MCTP1: variants seen among roughly 807,000 people sequenced by gnomAD.
MCTP1 encodes multiple C2 and transmembrane domain-containing protein 1.
Under a neutral mutation model 120.6 loss-of-function variants are expected in MCTP1, and 69 were observed. That is an observed-to-expected ratio of 0.57 (90% CI 0.47 to 0.70). The LOEUF (loss-of-function observed/expected upper bound fraction) is 0.70, where lower values mean the gene tolerates loss of function less well. Ranked by LOEUF, MCTP1 falls within the 30% of genes least tolerant of loss-of-function variation. The probability of loss-of-function intolerance (pLI) is 0.00; values close to 1 mark genes in which losing one functional copy is unlikely to be tolerated. For synonymous variants in MCTP1, 529 were observed against 493.1 expected, an observed-to-expected ratio of 1.07 and a Z score of -0.96; for missense variants, 1,203 against 1,248.8, an observed-to-expected ratio of 0.96 and a Z score of 0.55.
At chr5:94,929,031 T>C (rs1019328106) in intron 6 of MCTP1, among the ~76,000 whole-genome samples, 15 of 152,130 alleles carry the variant, frequency 9.9e-5, no homozygotes, top group African/African-American at 3.1e-4. Flanking sequence ...AGAAATTTCA[T>C]CATAGAAAGT....
intron 1 of MCTP1, among the ~76,000 whole-genome samples, chr5:95,178,392 C>A (rs1246750280): frequency 4.6e-5 from 7 of 152,226 alleles, no homozygotes; most frequent in Admixed American, 3.3e-4. Context: ...CTCTGTCGCC[C>A]AGGCTAGAGT....
intron 1 of MCTP1, among the ~76,000 whole-genome samples, chr5:95,281,719 GATC>G (rs1760335749): frequency 6.6e-6 from 1 of 152,134 alleles, no homozygotes; most frequent in African/African-American, 2.4e-5. Context: ...CAGAGTTATA[GATC>G]ATGATAATCT....
At chr5:94,854,295 G>C (rs1459530142) in intron 17 of MCTP1, among the ~76,000 whole-genome samples, 1 of 151,756 alleles carries the variant, frequency 6.6e-6, no homozygotes, top group East Asian at 1.9e-4. Context: ...TTTGAGGTAC[G>C]GGTCATGAAT....
intron 1 of MCTP1, among the ~76,000 whole-genome samples, chr5:95,213,595 A>G (rs370927842): frequency 2.9e-4 from 44 of 149,886 alleles, no homozygotes; most frequent in East Asian, 5.8e-4. Flanking sequence ...GAGGCATCAC[A>G]CTACCTGACT....
At chr5:94,708,347 C>CA in intron 22 of MCTP1, 165 bp downstream of exon 22, 1 of 493,046 alleles carries the variant, frequency 2.0e-6, no homozygotes, top group East Asian at 3.2e-5. Context: ...TCTTGGATAA[C>CA]ACCCCAGGTG....
chr5:94,758,068 A>C (rs1211809307), intron 19 of MCTP1, among the ~76,000 whole-genome samples: 1 of 152,210 alleles, frequency 6.6e-6, no homozygotes, highest in African/African-American at 2.4e-5. Flanking sequence ...GTGGGGAGTA[A>C]ATGGAGGCAA....
intron 18 of MCTP1, among the ~76,000 whole-genome samples, chr5:94,795,560 AAACC>A (rs1344881355): frequency 6.6e-6 from 1 of 152,230 alleles, no homozygotes. Flanking sequence ...GTGACAGCTC[AAACC>A]AACAGAAGGA....
intron 1 of MCTP1, among the ~76,000 whole-genome samples, chr5:95,022,630 GAATCTA>G (rs1477121664): frequency 6.6e-6 from 1 of 152,094 alleles, no homozygotes; most frequent in Non-Finnish European, 1.5e-5. Context: ...ACATCAATGG[GAATCTA>G]AATAAAGTTG....
intron 1 of MCTP1, among the ~76,000 whole-genome samples, chr5:95,027,301 C>G (rs2153686160): frequency 6.6e-6 from 1 of 152,262 alleles, no homozygotes; most frequent in Non-Finnish European, 1.5e-5. Flanking sequence ...AATCCCTTGC[C>G]CCTTGCTCAT....
intron 18 of MCTP1, among the ~76,000 whole-genome samples, chr5:94,783,014 A>G (rs933330220): frequency 5.3e-5 from 8 of 152,260 alleles, no homozygotes; most frequent in African/African-American, 1.4e-4. Context: ...CACTAGGGAA[A>G]TCAGAAAGAT....
intron 18 of MCTP1, among the ~76,000 whole-genome samples, chr5:94,783,355 A>C (rs1363403984): frequency 2.0e-5 from 3 of 152,236 alleles, no homozygotes; most frequent in Non-Finnish European, 4.4e-5. Context: ...AATTAAACAA[A>C]ATTGTATCTA....
At chr5:95,101,990 T>C (rs1343381875) in intron 1 of MCTP1, among the ~76,000 whole-genome samples, 3 of 152,190 alleles carry the variant, frequency 2.0e-5, no homozygotes, top group African/African-American at 7.2e-5. Flanking sequence ...TCACCACTTG[T>C]GGTAAATTGT....
chr5:94,799,192 T>C (rs1780690308), intron 17 of MCTP1, 60 bp from the exon 18 acceptor site: 3 of 1,496,830 alleles, frequency 2.0e-6, no homozygotes, highest in East Asian at 2.4e-5. Flanking sequence ...TTAAATGGAC[T>C]CTTATTTATA....
chr5:94,715,727 C>T (rs1017525372), intron 19 of MCTP1, among the ~76,000 whole-genome samples: 3 of 152,188 alleles, frequency 2.0e-5, no homozygotes, highest in Non-Finnish European at 4.4e-5. Flanking sequence ...ATTGAAAATT[C>T]TGCTTAGTAG....
chr5:94,708,352 C>CA (rs1429427906), intron 22 of MCTP1, 160 bp downstream of exon 22: 1 of 516,624 alleles, frequency 1.9e-6, no homozygotes, highest in Admixed American at 3.2e-5. Context: ...GATAACACCC[C>CA]AGGTGGGCTA....
chr5:94,879,864 A>G (rs958349635), intron 12 of MCTP1, among the ~76,000 whole-genome samples: 4 of 152,142 alleles, frequency 2.6e-5, no homozygotes, highest in African/African-American at 9.7e-5. Context: ...GTAAAGCTCA[A>G]TGTAAATATG....
At chr5:94,812,469 A>C (rs1180499549) in intron 17 of MCTP1, among the ~76,000 whole-genome samples, 4 of 148,068 alleles carry the variant, frequency 2.7e-5, no homozygotes, top group South Asian at 2.1e-4. Flanking sequence ...AAAAAAAAAA[A>C]CCCAAAAAAC....
At chr5:95,105,405 G>T (rs910299820) in intron 1 of MCTP1, among the ~76,000 whole-genome samples, 1 of 152,006 alleles carries the variant, frequency 6.6e-6, no homozygotes, top group Non-Finnish European at 1.5e-5. Context: ...ATGGAATTGG[G>T]GTCATTATTA....
intron 10 of MCTP1, among the ~76,000 whole-genome samples, chr5:94,904,259 T>C (rs907565179): frequency 6.6e-6 from 1 of 152,190 alleles, no homozygotes; most frequent in African/African-American, 2.4e-5. Flanking sequence ...GCATGGACTT[T>C]AGATTGATCT....
Sources: gnomAD v4.1 joint callset for allele counts (sites outside exome capture counted in the v4.1 genomes callset) on GRCh38, gnomAD v4.1.1 for gene constraint, MANE v1.5 for transcripts, NCBI Gene and HGNC (gene_info 2026-07-23, HGNC 2026-07-21) for gene names.